CHST11: variants seen among roughly 807,000 people sequenced by gnomAD.
The protein encoded by CHST11 is carbohydrate sulfotransferase 11.
A neutral mutation model predicts 30.4 loss-of-function variants in CHST11; 9 were observed. The observed-to-expected ratio is 0.30, with a 90% confidence interval of 0.18 to 0.52. The LOEUF is 0.52. Ranked by LOEUF, CHST11 falls within the 20% of genes least tolerant of loss-of-function variation. The pLI, the probability that CHST11 is intolerant of heterozygous loss-of-function variation, is 0.97. For missense variants in CHST11, 348 were observed against 460.6 expected (o/e 0.76, Z 2.24); for synonymous variants, 152 against 187.8 (o/e 0.81, Z 1.56).
At chr12:104,472,851 C>T (rs554292129) in intron 1 of CHST11, among the ~76,000 whole-genome samples, 3 of 151,982 alleles carry the variant, frequency 2.0e-5, no homozygotes, top group South Asian at 2.1e-4. Flanking sequence ...AGGTTGGCAC[C>T]GGGCTCTGAA....
rs539393254 is a variant in CHST11, at chr12:104,700,207, GC to G, written c.205-56741del. On this transcript the variant is annotated intron_variant, in intron 2 of 2. Transcript: ENST00000303694. ...ACTAAATTCCAGTACTACAAGGATA[GC>G]AAAACAATGAAACAGTAATACACTG... Among the ~76,000 whole-genome samples, 3 of 152,182 alleles carry G rather than the reference GC, an allele frequency of 2.0e-5. No individual in the cohort carries two copies. The East Asian group carries it at 5.8e-4, about 29-fold the overall frequency.
chr12:104,523,556 G>T (rs2038094233), intron 1 of CHST11, among the ~76,000 whole-genome samples: 1 of 152,202 alleles, frequency 6.6e-6, no homozygotes, highest in Non-Finnish European at 1.5e-5. Flanking sequence ...GTGACCTTCA[G>T]CAAGTCATTG....
At chr12:104,722,602 G>A (rs891260016) in intron 2 of CHST11, among the ~76,000 whole-genome samples, 2 of 152,064 alleles carry the variant, frequency 1.3e-5, no homozygotes, top group African/African-American at 4.8e-5. Flanking sequence ...TCTGCTTGTG[G>A]AAGAGGACGG....
chr12:104,610,327 T>C (rs1203418464), intron 2 of CHST11, among the ~76,000 whole-genome samples: 1 of 152,220 alleles, frequency 6.6e-6, no homozygotes, highest in Admixed American at 6.5e-5. Flanking sequence ...TATAGGCAGT[T>C]GTTCTGCTTC....
At chr12:104,465,230 G>A (rs962858687) in intron 1 of CHST11, among the ~76,000 whole-genome samples, 1 of 152,210 alleles carries the variant, frequency 6.6e-6, no homozygotes, top group Admixed American at 6.5e-5. Context: ...TTGAGTACTT[G>A]CTTCTCAATG....
At chr12:104,708,311 C>T (rs1452447579) in intron 2 of CHST11, among the ~76,000 whole-genome samples, 1 of 152,222 alleles carries the variant, frequency 6.6e-6, no homozygotes, top group Admixed American at 6.5e-5. Context: ...GGGCTGATGA[C>T]AGTCATGCCT....
Position 104,489,659 on chromosome 12 carries a change from G to A in CHST11, c.118+32130G>A, listed in dbSNP as rs141049212. Among the ~76,000 whole-genome samples the A allele has an allele frequency of 2.2e-3, 327 of 151,768 alleles. 1 individual carries two copies. Among genetic ancestry groups the A allele is most frequent in the Non-Finnish European group, 3.7e-3 (254 of 67,930 alleles). ...ACGCCCAGCTAATTTTTGTATTTTTGGTAGAGAGTTGGCCAGGATGGTCTC... is the reference window on the plus strand; with the variant it reads ...ACGCCCAGCTAATTTTTGTATTTTTAGTAGAGAGTTGGCCAGGATGGTCTC... On this transcript the variant is annotated intron_variant, in intron 1 of 2. Coordinates refer to ENST00000303694, the MANE Select transcript of CHST11 (RefSeq NM_018413.6).
chr12:104,756,325 G>A (rs2040474107), intron 2 of CHST11, among the ~76,000 whole-genome samples: 1 of 152,162 alleles, frequency 6.6e-6, no homozygotes. Context: ...TACTGGTTTG[G>A]ACTGGGAGTG....
chr12:104,749,699 C>T (rs952412697), intron 2 of CHST11, among the ~76,000 whole-genome samples: 1 of 152,178 alleles, frequency 6.6e-6, no homozygotes, highest in African/African-American at 2.4e-5. Flanking sequence ...TCAGTAGTTC[C>T]GGAACTGTGC....
intron 1 of CHST11, among the ~76,000 whole-genome samples, chr12:104,545,004 A>G (rs975031090): frequency 9.2e-5 from 14 of 152,116 alleles, no homozygotes; most frequent in African/African-American, 3.4e-4. Flanking sequence ...AGAGGGAGGC[A>G]TGCAGGAATG....
intron 2 of CHST11, among the ~76,000 whole-genome samples, chr12:104,603,958 T>C (rs1435051330): frequency 3.9e-5 from 6 of 152,224 alleles, no homozygotes; most frequent in African/African-American, 1.4e-4. Flanking sequence ...CATTTCTTCA[T>C]GTGCTGTTAC....
chr12:104,554,455 A>G (rs2038435641), intron 1 of CHST11, among the ~76,000 whole-genome samples: 2 of 152,308 alleles, frequency 1.3e-5, no homozygotes, highest in East Asian at 1.9e-4. Context: ...GCAAGGATGC[A>G]TGGGCTCTGG....
At chr12:104,510,529 G>C (rs1251390805) in intron 1 of CHST11, among the ~76,000 whole-genome samples, 1 of 152,190 alleles carries the variant, frequency 6.6e-6, no homozygotes, top group Non-Finnish European at 1.5e-5. Context: ...TGAGATCTAT[G>C]GTGGCTGAAT....
At chr12:104,544,043 G>C (rs534599464) in intron 1 of CHST11, among the ~76,000 whole-genome samples, 3 of 151,356 alleles carry the variant, frequency 2.0e-5, no homozygotes, top group Non-Finnish European at 4.4e-5. Flanking sequence ...AGGATGGCTG[G>C]AGCCCAGGAG....
At position 104,758,652 on chromosome 12, in the gene CHST11, C is replaced by T. The variant is rs2040499614; in HGVS notation, c.*849C>T. 1 of 152,166 alleles carries T rather than the reference C, an allele frequency of 6.6e-6. No homozygotes were observed. Among genetic ancestry groups the T allele is most frequent in the South Asian group, 2.1e-4 (1 of 4,836 alleles). The allele number at this position is 152,166 out of a possible 1,614,324, so 9.4% of individuals were successfully genotyped here. On this transcript the variant is annotated 3_prime_UTR_variant, in exon 3 of 3. Coordinates refer to ENST00000303694, the MANE Select transcript of CHST11 (RefSeq NM_018413.6). ...AAAAGCTTTATGTGACATAGAGCAT[C>T]CAGCTCGACAATTAGCAAACCCCTG...
At chr12:104,503,250 G>A (rs2037869881) in intron 1 of CHST11, among the ~76,000 whole-genome samples, 1 of 152,180 alleles carries the variant, frequency 6.6e-6, no homozygotes, top group African/African-American at 2.4e-5. Flanking sequence ...AACAGGTAAT[G>A]TGATTAAAGG....
intron 1 of CHST11, among the ~76,000 whole-genome samples, chr12:104,596,304 G>C (rs147233487): frequency 3.3e-5 from 5 of 152,340 alleles, no homozygotes; most frequent in Non-Finnish European, 7.4e-5. Context: ...GTGTGGAGCA[G>C]ATGAATCATG....
intron 1 of CHST11, among the ~76,000 whole-genome samples, chr12:104,482,348 C>A (rs2037633227): frequency 1.1e-5 from 1 of 89,226 alleles, no homozygotes; most frequent in Non-Finnish European, 2.3e-5. Flanking sequence ...CAGGGAGCCC[C>A]CCCCCGCAAA....
intron 2 of CHST11, among the ~76,000 whole-genome samples, chr12:104,748,231 A>G (rs1457516647): frequency 6.6e-6 from 1 of 152,198 alleles, no homozygotes; most frequent in Non-Finnish European, 1.5e-5. Context: ...GTAATTAAGT[A>G]TAGCTGTGAA....
Sources: gnomAD v4.1 joint callset for allele counts (sites outside exome capture counted in the v4.1 genomes callset) on GRCh38, gnomAD v4.1.1 for gene constraint, MANE v1.5 for transcripts, NCBI Gene and HGNC (gene_info 2026-07-23, HGNC 2026-07-21) for gene names.